PRR16: variants seen among roughly 807,000 people sequenced by gnomAD.
The protein encoded by PRR16 is protein Largen.
PRR16 carries 6 observed loss-of-function variants against 18.2 expected under a neutral mutation model. That is an observed-to-expected ratio of 0.33 (90% CI 0.18 to 0.65). The LOEUF (loss-of-function observed/expected upper bound fraction) is 0.65, where lower values mean the gene tolerates loss of function less well. Ranked by LOEUF, PRR16 falls within the 30% of genes least tolerant of loss-of-function variation. The probability of loss-of-function intolerance (pLI) is 0.74; values close to 1 mark genes in which losing one functional copy is unlikely to be tolerated. For synonymous variants in PRR16, 151 were observed against 147.8 expected, an observed-to-expected ratio of 1.02 and a Z score of -0.16; for missense variants, 412 against 376.6, an observed-to-expected ratio of 1.09 and a Z score of -0.78.
chr5:120,605,234 T>G (rs529160598), intron 1 of PRR16, among the ~76,000 whole-genome samples: 1 of 152,304 alleles, frequency 6.6e-6, no homozygotes, highest in South Asian at 2.1e-4. Flanking sequence ...TCTTGGAGGT[T>G]TGTTCATTTC....
intron 1 of PRR16, among the ~76,000 whole-genome samples, chr5:120,484,588 G>C (rs932879423): frequency 7.0e-6 from 1 of 142,738 alleles, no homozygotes; most frequent in African/African-American, 2.6e-5. Flanking sequence ...TTTATATATA[G>C]TATATAATAT....
At chr5:120,542,643 A>T (rs1751951425) in intron 1 of PRR16, among the ~76,000 whole-genome samples, 1 of 152,168 alleles carries the variant, frequency 6.6e-6, no homozygotes. Flanking sequence ...TAACCAAAAG[A>T]TTGATGGATC....
chr5:120,659,145 G>A (rs1756089927), intron 1 of PRR16, among the ~76,000 whole-genome samples: 1 of 151,902 alleles, frequency 6.6e-6, no homozygotes, highest in South Asian at 2.1e-4. Context: ...AAAAGCACTG[G>A]CCCCACAAAA....
chr5:120,696,973 C>A, the PRR16 span, among the ~76,000 whole-genome samples: 1 of 16,638 alleles, frequency 6.0e-5, no homozygotes, highest in South Asian at 6.8e-3. Flanking sequence ...TTGACCTGAA[C>A]CAAGAAAATA....
At chr5:120,498,574 A>G (rs1023032116) in intron 1 of PRR16, among the ~76,000 whole-genome samples, 1 of 151,778 alleles carries the variant, frequency 6.6e-6, no homozygotes, top group Non-Finnish European at 1.5e-5. Flanking sequence ...AAAGCTCAAG[A>G]GGAAAGGAAT....
intron 1 of PRR16, among the ~76,000 whole-genome samples, chr5:120,525,645 A>C (rs1174444559): frequency 6.6e-6 from 1 of 151,064 alleles, no homozygotes; most frequent in African/African-American, 2.4e-5. Context: ...TTAGGCAGGA[A>C]ATTCTGCTAG....
At chr5:120,678,784 CTCTTA>C (rs749551969) in intron 1 of PRR16, among the ~76,000 whole-genome samples, 14 of 152,130 alleles carry the variant, frequency 9.2e-5, no homozygotes, top group Non-Finnish European at 1.3e-4. Context: ...TTATTTCTTT[CTCTTA>C]TCTAATTGCT....
At chr5:120,736,035 G>T in the PRR16 span, among the ~76,000 whole-genome samples, 1 of 152,048 alleles carries the variant, frequency 6.6e-6, no homozygotes, top group Non-Finnish European at 1.5e-5. Flanking sequence ...TTTTGGATGT[G>T]GATACTCAAT....
chr5:120,676,620 G>C (rs1216296543), intron 1 of PRR16, among the ~76,000 whole-genome samples: 2 of 151,956 alleles, frequency 1.3e-5, no homozygotes, highest in Non-Finnish European at 2.9e-5. Flanking sequence ...CAATTATGGT[G>C]CTTGAGATGT....
chr5:120,521,081 A>G (rs962841098), intron 1 of PRR16, among the ~76,000 whole-genome samples: 1 of 152,170 alleles, frequency 6.6e-6, no homozygotes, highest in Non-Finnish European at 1.5e-5. Context: ...TGGAATCTCT[A>G]AAATTGGTAC....
chr5:120,501,078 T>C (rs1164484947), intron 1 of PRR16, among the ~76,000 whole-genome samples: 5 of 152,154 alleles, frequency 3.3e-5, no homozygotes, highest in African/African-American at 2.4e-5. Flanking sequence ...GGAGGAAACA[T>C]TTAACTTCAG....
At chr5:120,726,952 T>A in the PRR16 span, among the ~76,000 whole-genome samples, 1 of 152,080 alleles carries the variant, frequency 6.6e-6, no homozygotes, top group Non-Finnish European at 1.5e-5. Flanking sequence ...ACATTTGTCT[T>A]CTAAAATATT....
At chr5:120,605,041 T>A (rs1754112014) in intron 1 of PRR16, among the ~76,000 whole-genome samples, 3 of 152,168 alleles carry the variant, frequency 2.0e-5, no homozygotes, top group Non-Finnish European at 4.4e-5. Flanking sequence ...TTGTGTAGTA[T>A]CTTACAGGCA....
chr5:120,589,556 G>T (rs896127667), intron 1 of PRR16, among the ~76,000 whole-genome samples: 1 of 152,068 alleles, frequency 6.6e-6, no homozygotes, highest in Admixed American at 6.5e-5. Flanking sequence ...GGATAAAAGA[G>T]GTTTAATTGA....
intron 1 of PRR16, among the ~76,000 whole-genome samples, chr5:120,539,801 T>A (rs1328881123): frequency 6.6e-6 from 1 of 152,230 alleles, no homozygotes; most frequent in Non-Finnish European, 1.5e-5. Flanking sequence ...ATAATGTAAT[T>A]GGATGTTGTG....
chr5:120,621,607 T>TG (rs1314285978), intron 1 of PRR16, among the ~76,000 whole-genome samples: 1 of 152,040 alleles, frequency 6.6e-6, no homozygotes, highest in African/African-American at 2.4e-5. Context: ...AGAGACCAGG[T>TG]GGGGGTAAAT....
chr5:120,496,931 T>A (rs966166517), intron 1 of PRR16, among the ~76,000 whole-genome samples: 6 of 152,176 alleles, frequency 3.9e-5, no homozygotes, highest in African/African-American at 7.2e-5. Flanking sequence ...GTGTATTTTT[T>A]AATTTTCCTT....
intron 1 of PRR16, among the ~76,000 whole-genome samples, chr5:120,570,077 C>A (rs979776557): frequency 6.6e-6 from 1 of 152,142 alleles, no homozygotes; most frequent in Non-Finnish European, 1.5e-5. Flanking sequence ...GGATTTGCTT[C>A]ATTCCCAGAT....
intron 1 of PRR16, among the ~76,000 whole-genome samples, chr5:120,511,716 TTA>T (rs1750832370): frequency 6.6e-6 from 1 of 152,200 alleles, no homozygotes; most frequent in Non-Finnish European, 1.5e-5. Context: ...TTTTCAGATT[TTA>T]GTCTCATCCT....
Sources: allele counts gnomAD v4.1 joint callset (sites outside exome capture counted in the v4.1 genomes callset), GRCh38; gene constraint gnomAD v4.1.1; transcripts MANE v1.5; gene names NCBI Gene and HGNC (gene_info 2026-07-23, HGNC 2026-07-21).